The following CDK2AP1 variants were observed in gnomAD, a reference collection of about 807,000 sequenced individuals.
CDK2AP1 encodes the protein cyclin dependent kinase 2 associated protein 1.
CDK2AP1 carries 10 observed loss-of-function variants against 14.1 expected under a neutral mutation model. The ratio of observed to expected loss-of-function variants is 0.71; its 90% confidence interval spans 0.44 to 1.20. The LOEUF (loss-of-function observed/expected upper bound fraction) is 1.20, where lower values mean the gene tolerates loss of function less well. CDK2AP1 is among the 50% of genes most tolerant of loss of function. CDK2AP1 has a pLI of 0.00. For synonymous variants in CDK2AP1, 59 were observed against 59.8 expected, an observed-to-expected ratio of 0.99 and a Z score of 0.06; for missense variants, 102 against 149.9, an observed-to-expected ratio of 0.68 and a Z score of 1.67.
rs376814455 is a variant in CDK2AP1 at position 123,268,636 on chromosome 12, C to T, written c.56-1354G>A. Reference sequence around the variant, plus strand: ...GACTTGGATCCTGAACTGGGCAGAGCACCGTGCCACTCCGAGCCTCAGTTT... The same window carrying T: ...GACTTGGATCCTGAACTGGGCAGAGTACCGTGCCACTCCGAGCCTCAGTTT... On this transcript the variant is annotated intron_variant, in intron 1 of 3. Transcript: ENST00000261692. Among the ~76,000 whole-genome samples, 12 of 152,362 alleles carry T rather than the reference C, an allele frequency of 7.9e-5. No homozygotes were observed. In the East Asian group the frequency reaches 1.7e-3, roughly 22 times the overall value.
chr12:123,270,609 C>T (rs2048345215), intron 1 of CDK2AP1, among the ~76,000 whole-genome samples: 1 of 152,104 alleles, frequency 6.6e-6, no homozygotes, highest in Admixed American at 6.5e-5. Flanking sequence ...CCTACGAATC[C>T]CTCAATGTTG....
chr12:123,271,576 C>A lies in CDK2AP1; in HGVS notation c.43G>T (p.Ala15Ser). ...GCGGCTCACTCACCGGCGTTGAGGG[C>A]GGCGGCGGGCATGTGCGCGGCCAAG... ...PNLAAHMPAAALNAAGSVHSP... is the reference protein window; with the variant it reads ...PNLAAHMPAASLNAAGSVHSP... Residue 15 changes from alanine (A) to serine (S), a missense_variant, in exon 1 of 4, where the codon GCC becomes TCC. This residue lies in a region of CDK2AP1 where 50 missense variants were observed against 42.7 expected (regional missense o/e 1.17). Coordinates refer to ENST00000261692, the MANE Select transcript of CDK2AP1 (RefSeq NM_004642.4). 1 of 1,009,638 alleles carries A rather than the reference C, an allele frequency of 9.9e-7. No homozygotes were observed. Among genetic ancestry groups the A allele is most frequent in the Non-Finnish European group, 1.2e-6 (1 of 846,342 alleles). 62.5% of individuals were successfully genotyped at this position (1,009,638 alleles called of 1,614,324 possible).
At chr12:123,270,508 T>C (rs11057223) in intron 1 of CDK2AP1, among the ~76,000 whole-genome samples, 17,073 of 151,524 alleles carry the variant, frequency 0.11, 1,088 homozygotes, top group East Asian at 0.3. Flanking sequence ...CTTCCCCCCA[T>C]CCCGCCCCGC....
At chr12:123,269,949 C>T (rs1403061713) in intron 1 of CDK2AP1, among the ~76,000 whole-genome samples, 1 of 152,154 alleles carries the variant, frequency 6.6e-6, no homozygotes, top group Non-Finnish European at 1.5e-5. Flanking sequence ...TGGAATTCTC[C>T]ACAGGACAAA....
chr12:123,265,429 G>A lies in CDK2AP1; in HGVS notation c.154-107C>T, dbSNP rs1256411330. The A allele has an allele frequency of 3.7e-6, 4 of 1,085,286 alleles. No individual in the cohort carries two copies. The African/African-American group carries it at 4.6e-5, about 13-fold the overall frequency. The allele number at this position is 1,085,286 out of a possible 1,614,324, so 67.2% of individuals were successfully genotyped here. The stretch of plus-strand genomic sequence containing the variant: ...GAGGCAGGAGAACTGCTTGGACCCA[G>A]GAGGTGGAAGTTGCAGTGAGCCAAG... On this transcript the variant is annotated intron_variant, in intron 2 of 3. Coordinates refer to ENST00000261692, the MANE Select transcript of CDK2AP1 (RefSeq NM_004642.4). The surrounding 1 kb of genome is among the most constrained non-coding windows in gnomAD (Gnocchi z 5.3).
intron 3 of CDK2AP1, among the ~76,000 whole-genome samples, chr12:123,264,416 C>A (rs1223821014): frequency 6.9e-6 from 1 of 144,478 alleles, no homozygotes; most frequent in East Asian, 2.0e-4. Flanking sequence ...GCCGAGATTG[C>A]ACCACTGCAC....
intron 1 of CDK2AP1, chr12:123,270,156 G>C (rs2048340766): frequency 1.0e-6 from 1 of 957,552 alleles, no homozygotes; most frequent in African/African-American, 1.8e-5. Context: ...GCCAGAGGAA[G>C]AAGGCTGCTG....
intron 1 of CDK2AP1, chr12:123,268,220 C>A: frequency 2.0e-6 from 2 of 985,580 alleles, no homozygotes; most frequent in South Asian, 9.4e-5. Context: ...CACACGGTCT[C>A]TCTCTCACAC....
Position 123,261,175 on chromosome 12 carries a change from T to G in CDK2AP1, c.*561A>C, listed in dbSNP as rs2048228416. 6.6e-6 allele frequency: 1 copy of G among 152,632 alleles called. No homozygotes were observed. The highest frequency in any genetic ancestry group is 2.4e-5 in the African/African-American group (1 of 41,448). The allele number at this position is 152,632 out of a possible 1,614,324, so 9.5% of individuals were successfully genotyped here. The stretch of plus-strand genomic sequence containing the variant: ...GGGGGTCCTTGTTAGGTTTGGTGGG[T>G]TGCTCTTTCTTCTGTATTTATAACT... On this transcript the variant is annotated 3_prime_UTR_variant, in exon 4 of 4. Coordinates refer to ENST00000261692, the MANE Select transcript of CDK2AP1 (RefSeq NM_004642.4).
chr12:123,272,216 T>TC (rs1403767969), upstream of CDK2AP1: 1 of 152,170 alleles, frequency 6.6e-6, no homozygotes, highest in African/African-American at 2.4e-5. Context: ...GACGCCCAGG[T>TC]CTGGCCAAGC....
intron 1 of CDK2AP1, chr12:123,269,318 GA>G (rs963938860): frequency 1.3e-5 from 2 of 152,724 alleles, no homozygotes; most frequent in African/African-American, 4.8e-5. Context: ...GGAGGAAGGA[GA>G]AATCGTCCCA....
At chr12:123,266,996 C>T (rs998988003) in intron 2 of CDK2AP1, among the ~76,000 whole-genome samples, 189 bp downstream of exon 2, 4 of 152,190 alleles carry the variant, frequency 2.6e-5, no homozygotes, top group East Asian at 1.9e-4. Context: ...CACGTCCCCG[C>T]GAAGCACAGT....
chr12:123,270,826 C>G, intron 1 of CDK2AP1: 1 of 985,340 alleles, frequency 1.0e-6, no homozygotes, highest in Non-Finnish European at 1.2e-6. Flanking sequence ...ACTGCCCCCA[C>G]GCCCGCGCGC....
At chr12:123,268,056 G>T in intron 1 of CDK2AP1, 1 of 417,730 alleles carries the variant, frequency 2.4e-6, no homozygotes, top group Non-Finnish European at 3.2e-6. Context: ...CCTGGATCTG[G>T]CAGGGGAGTC....
chr12:123,264,462 C>CAAAAAAAAAAAAAAAAAAAAAAAAA (rs1167157405), intron 3 of CDK2AP1, among the ~76,000 whole-genome samples: 4 of 69,860 alleles, frequency 5.7e-5, no homozygotes, highest in African/African-American at 1.4e-4. Context: ...CTCCGTCTCC[C>CAAAAAAAAAAAAAAAAAAAAAAAAA]AAAAAAAAAA....
At chr12:123,270,839 G>A (rs1291252662) in intron 1 of CDK2AP1, 4 of 984,592 alleles carry the variant, frequency 4.1e-6, no homozygotes, top group African/African-American at 1.8e-5. Flanking sequence ...CCGCGCGCGG[G>A]CCCCAGCAGC....
At chr12:123,261,886 T>A in intron 3 of CDK2AP1, 83 bp from the exon 4 acceptor site, 1 of 933,962 alleles carries the variant, frequency 1.1e-6, no homozygotes. Flanking sequence ...AGAGGATCCA[T>A]CCTTCCACAG....
chr12:123,267,382 C>A, intron 1 of CDK2AP1, 100 bp from the exon 2 acceptor site: 1 of 737,038 alleles, frequency 1.4e-6, no homozygotes, highest in Non-Finnish European at 2.5e-6. Flanking sequence ...ACCCACACCA[C>A]CAACTGTAGC....
At chr12:123,266,139 G>T (rs141602909) in intron 2 of CDK2AP1, among the ~76,000 whole-genome samples, 1 of 152,184 alleles carries the variant, frequency 6.6e-6, no homozygotes, top group Non-Finnish European at 1.5e-5. Context: ...CTCCCTGGGC[G>T]AGGTCCTTGC....
Sources: allele counts gnomAD v4.1 joint callset (sites outside exome capture counted in the v4.1 genomes callset), GRCh38; gene constraint gnomAD v4.1.1; regional missense constraint gnomAD v4.1.1; non-coding constraint Gnocchi (gnomAD v3.1); transcripts MANE v1.5; gene names NCBI Gene and HGNC (gene_info 2026-07-23, HGNC 2026-07-21).